Variants in FAT1 observed in about 807,000 individuals in gnomAD.
FAT1 encodes FAT atypical cadherin 1.
FAT1 carries 171 observed loss-of-function variants against 329.8 expected under a neutral mutation model. That is an observed-to-expected ratio of 0.52 (90% CI 0.46 to 0.59). FAT1 has a LOEUF of 0.59. Ranked by LOEUF, FAT1 falls within the 20% of genes least tolerant of loss-of-function variation. FAT1 has a pLI of 0.00. For synonymous variants in FAT1, 2,233 were observed against 2,228.6 expected (o/e 1.00, Z -0.06); for missense variants, 5,672 against 5,774.4 (o/e 0.98, Z 0.57).
At chr4:186,720,582 TCC>T (rs1373593727) in intron 1 of FAT1, among the ~76,000 whole-genome samples, 2 of 152,154 alleles carry the variant, frequency 1.3e-5, no homozygotes, top group Non-Finnish European at 2.9e-5. Context: ...CTGCCCCAGA[TCC>T]CCCAGCTCAC....
chr4:186,713,701 G>C (rs1041314384), intron 1 of FAT1, among the ~76,000 whole-genome samples: 22 of 152,002 alleles, frequency 1.4e-4, no homozygotes, highest in Non-Finnish European at 3.1e-4. Context: ...TCTCACCCAG[G>C]CTGGAGTGCA....
chr4:186,711,787 G>A (rs1376795156), intron 1 of FAT1, among the ~76,000 whole-genome samples: 1 of 152,084 alleles, frequency 6.6e-6, no homozygotes, highest in Non-Finnish European at 1.5e-5. Flanking sequence ...GGATATGGTG[G>A]AGCAAGCCTG....
At chr4:186,616,425 T>G (rs1438033655) in intron 11 of FAT1, among the ~76,000 whole-genome samples, 1 of 151,942 alleles carries the variant, frequency 6.6e-6, no homozygotes, top group Non-Finnish European at 1.5e-5. Context: ...ACCCACTTAC[T>G]GCCCCCCGAA....
At chr4:186,691,664 C>T (rs1322915208) in intron 2 of FAT1, among the ~76,000 whole-genome samples, 3 of 151,904 alleles carry the variant, frequency 2.0e-5, no homozygotes, top group East Asian at 3.9e-4. Context: ...AAAAATTAGC[C>T]GGGCATGGTG....
chr4:186,688,579 C>T (rs368203887), intron 2 of FAT1, among the ~76,000 whole-genome samples: 59 of 152,060 alleles, frequency 3.9e-4, no homozygotes, highest in African/African-American at 1.3e-3. Context: ...TGAAGGGGGA[C>T]GCAATTCAAG....
chr4:186,722,424 A>ATTGTT (rs1324463197), intron 1 of FAT1, among the ~76,000 whole-genome samples: 22 of 152,254 alleles, frequency 1.4e-4, no homozygotes. Flanking sequence ...GCATCACTCA[A>ATTGTT]GGCTTATACC....
intron 1 of FAT1, among the ~76,000 whole-genome samples, chr4:186,721,511 A>G (rs327105): frequency 0.17 from 25,493 of 152,256 alleles, 2,891 homozygotes; most frequent in African/African-American, 0.32. Context: ...CGCAAATCCC[A>G]CTCATAAAGA....
chr4:186,609,380 C>T (rs973397258), intron 15 of FAT1, 60 bp from the exon 16 acceptor site: 76 of 1,545,854 alleles, frequency 4.9e-5, no homozygotes, highest in Middle Eastern at 1.7e-4. Context: ...ACCTATTACA[C>T]AAAATTTGTG....
intron 2 of FAT1, among the ~76,000 whole-genome samples, chr4:186,683,600 T>C (rs1173003648): frequency 1.3e-5 from 2 of 152,148 alleles, no homozygotes; most frequent in Non-Finnish European, 2.9e-5. Context: ...CCTTTTTCCT[T>C]CCAGGACCTA....
chr4:186,592,715 C>A, intron 26 of FAT1: 1 of 456,716 alleles, frequency 2.2e-6, no homozygotes, highest in Non-Finnish European at 4.4e-6. Context: ...CCGTGTCAAC[C>A]ACAGCATTGA....
intron 2 of FAT1, among the ~76,000 whole-genome samples, chr4:186,677,048 C>T (rs1742992261): frequency 6.6e-6 from 1 of 152,146 alleles, no homozygotes; most frequent in Admixed American, 6.5e-5. Flanking sequence ...TAGCATTTTC[C>T]TTTACTCCAG....
chr4:186,688,042 T>A (rs548417524), intron 2 of FAT1, among the ~76,000 whole-genome samples: 1 of 151,140 alleles, frequency 6.6e-6, no homozygotes. Flanking sequence ...GCCTTTTTAT[T>A]GGAAATAAAG....
chr4:186,663,945 C>T (rs1807743), intron 2 of FAT1, among the ~76,000 whole-genome samples: 47,410 of 151,996 alleles, frequency 0.31, 8,674 homozygotes, highest in South Asian at 0.47. Context: ...TAGGTGAGCA[C>T]TAAGAGATCA....
intron 2 of FAT1, among the ~76,000 whole-genome samples, chr4:186,688,847 C>A (rs967125929): frequency 1.3e-5 from 2 of 152,076 alleles, no homozygotes; most frequent in Non-Finnish European, 2.9e-5. Flanking sequence ...GTTTTCATAA[C>A]CTGTATTCGT....
intron 18 of FAT1, 73 bp downstream of exon 18, chr4:186,604,304 A>G (rs532261785): frequency 5.5e-6 from 7 of 1,274,148 alleles, no homozygotes; most frequent in Non-Finnish European, 7.7e-6. Flanking sequence ...CTGTTCAAAT[A>G]GAAGAGGGGA....
rs374073645 is a variant in FAT1 at position 186,658,470 on chromosome 4, GAT to G, written c.3580+4827_3580+4828del. 5.1e-3 allele frequency among the ~76,000 whole-genome samples: 778 copies of G among 152,256 alleles called. 2 individuals are homozygous for G. Among genetic ancestry groups the G allele is most frequent in the African/African-American group, 0.017 (708 of 41,534 alleles). ...TATGACAAAAGGGGAAGGAGAAAAA[GAT>G]ATTGAGGAGATGTCTCCCTCTTTTC... On this transcript the variant is annotated intron_variant, in intron 3 of 26. Transcript: ENST00000441802.
At chr4:186,613,727 CCCAATTTTACCAAAATACAAAAGGAAA>C (rs1199014412) in intron 12 of FAT1, among the ~76,000 whole-genome samples, 2 of 152,104 alleles carry the variant, frequency 1.3e-5, no homozygotes, top group African/African-American at 4.8e-5. Flanking sequence ...CTTAGTTGAT[CCCAATTTTACCAAAATACAAAAGGAAA>C]ACAACTCTAT....
intron 3 of FAT1, among the ~76,000 whole-genome samples, chr4:186,657,661 G>C (rs1442845758): frequency 6.6e-6 from 1 of 152,084 alleles, no homozygotes; most frequent in Admixed American, 6.6e-5. Flanking sequence ...CCTCAAAAAA[G>C]CTTTTTAAAA....
intron 1 of FAT1, among the ~76,000 whole-genome samples, chr4:186,716,786 GT>G (rs1745228642): frequency 6.6e-6 from 1 of 151,928 alleles, no homozygotes; most frequent in Non-Finnish European, 1.5e-5. Context: ...GAGTTTTTTT[GT>G]TTGTTTGTTT....
Sources: allele counts gnomAD v4.1 joint callset (sites outside exome capture counted in the v4.1 genomes callset), GRCh38; gene constraint gnomAD v4.1.1; transcripts MANE v1.5; gene names NCBI Gene and HGNC (gene_info 2026-07-23, HGNC 2026-07-21).